Variants in NELL1 observed in about 807,000 individuals in gnomAD.
The protein encoded by NELL1 is neural EGFL like 1, also known as protein kinase C-binding protein NELL1.
NELL1 carries 76 observed loss-of-function variants against 107.4 expected under a neutral mutation model. The ratio of observed to expected loss-of-function variants is 0.71; its 90% confidence interval spans 0.59 to 0.86. The LOEUF is 0.86. NELL1 is among the 40% of genes least tolerant of loss of function. The pLI is 0.00. For missense variants in NELL1, 1,024 were observed against 1,005.5 expected (o/e 1.02, Z -0.25); for synonymous variants, 353 against 341.2 (o/e 1.03, Z -0.38).
chr11:21,129,180 TG>T (rs1463898141), intron 13 of NELL1, among the ~76,000 whole-genome samples: 1 of 152,082 alleles, frequency 6.6e-6, no homozygotes, highest in African/African-American at 2.4e-5. Context: ...GTGTGTGTGT[TG>T]TTATTTATGG....
chr11:21,139,135 C>T (rs1052889642), intron 13 of NELL1, among the ~76,000 whole-genome samples: 1 of 152,136 alleles, frequency 6.6e-6, no homozygotes, highest in Non-Finnish European at 1.5e-5. Flanking sequence ...ACTTCTGCCA[C>T]CCAAAATACC....
At chr11:20,710,155 T>G (rs1855075843) in intron 2 of NELL1, among the ~76,000 whole-genome samples, 1 of 152,240 alleles carries the variant, frequency 6.6e-6, no homozygotes, top group Non-Finnish European at 1.5e-5. Context: ...CTTTCAACTT[T>G]TCTCCCATTC....
intron 12 of NELL1, among the ~76,000 whole-genome samples, chr11:20,969,987 TCTAGAACA>T (rs1354681604): frequency 9.9e-5 from 15 of 152,114 alleles, no homozygotes; most frequent in African/African-American, 3.4e-4. Context: ...CAGTATTTGT[TCTAGAACA>T]CTAGAACACA....
intron 12 of NELL1, among the ~76,000 whole-genome samples, chr11:20,978,014 T>C (rs1476239449): frequency 6.6e-6 from 1 of 152,242 alleles, no homozygotes; most frequent in African/African-American, 2.4e-5. Flanking sequence ...TCTGCAATGC[T>C]ATTTCTCATC....
chr11:20,703,869 C>A (rs1715293), intron 2 of NELL1, among the ~76,000 whole-genome samples: 29,408 of 151,960 alleles, frequency 0.19, 3,092 homozygotes, highest in African/African-American at 0.24. Flanking sequence ...GTCTGAGAGA[C>A]AGTGTGTTAT....
intron 15 of NELL1, among the ~76,000 whole-genome samples, chr11:21,440,964 T>C (rs1403970258): frequency 6.6e-6 from 1 of 152,216 alleles, no homozygotes; most frequent in East Asian, 1.9e-4. Context: ...GAGTATGTTA[T>C]TGAATATCTG....
At chr11:20,861,772 C>G (rs1048934321) in intron 4 of NELL1, among the ~76,000 whole-genome samples, 1 of 152,144 alleles carries the variant, frequency 6.6e-6, no homozygotes. Context: ...TTAGTGGTTC[C>G]GAGCATGAGC....
intron 14 of NELL1, 32 bp downstream of exon 14, chr11:21,229,486 G>A: frequency 6.2e-7 from 1 of 1,612,420 alleles, no homozygotes. Context: ...TGAGTTGTGA[G>A]CAGCCATTCT....
At position 20,927,306 on chromosome 11, in the gene NELL1, A is replaced by T; in HGVS notation, c.760-2A>T. The T allele has an allele frequency of 6.2e-7, 1 of 1,602,860 alleles. No homozygotes were observed. Among genetic ancestry groups the T allele is most frequent in the Non-Finnish European group, 8.5e-7 (1 of 1,177,482 alleles). On this transcript the variant is annotated splice_acceptor_variant, in intron 7 of 19. Coordinates refer to ENST00000357134, the MANE Select transcript of NELL1 (RefSeq NM_006157.5). LOFTEE classifies it high-confidence loss of function. ...ATTACATTCAGTAACTCTTGTTTGC[A>T]GCTAAATTATGCAGAGACAAGACTT...
In NELL1 at chr11:20,979,295, G is replaced by A. The variant is rs540447006; in HGVS notation, c.1300+18735G>A. ...ATTTGGTAACCATGCTATCATAAAA[G>A]GAAACCTGAACTGCTAAAACCTTAA... On this transcript the variant is annotated intron_variant, in intron 12 of 19. Coordinates refer to ENST00000357134, the MANE Select transcript of NELL1 (RefSeq NM_006157.5). Among the ~76,000 whole-genome samples the A allele has an allele frequency of 1.1e-3, 165 of 152,234 alleles. 1 individual carries two copies. The highest frequency in any genetic ancestry group is 3.9e-3 in the African/African-American group (162 of 41,544).
intron 11 of NELL1, among the ~76,000 whole-genome samples, chr11:20,950,333 A>G (rs997093979): frequency 1.3e-5 from 2 of 152,200 alleles, no homozygotes; most frequent in African/African-American, 4.8e-5. Context: ...TGCAATTTAA[A>G]TGACAATTAA....
intron 3 of NELL1, among the ~76,000 whole-genome samples, chr11:20,837,967 G>C (rs1033440459): frequency 1.3e-5 from 2 of 151,940 alleles, no homozygotes; most frequent in Non-Finnish European, 2.9e-5. Flanking sequence ...AGCTCCACAG[G>C]GTGTCTTCCT....
chr11:21,373,996 G>T (rs529821720), intron 15 of NELL1, among the ~76,000 whole-genome samples: 7 of 152,078 alleles, frequency 4.6e-5, no homozygotes, highest in Admixed American at 3.9e-4. Context: ...AATGCCACAC[G>T]GATGTAATGT....
intron 7 of NELL1, among the ~76,000 whole-genome samples, chr11:20,920,982 T>C (rs530130371): frequency 6.6e-6 from 1 of 152,228 alleles, no homozygotes; most frequent in African/African-American, 2.4e-5. Context: ...ATTTGAAAAC[T>C]GAGTACTTCC....
intron 15 of NELL1, among the ~76,000 whole-genome samples, chr11:21,380,424 T>A (rs925880993): frequency 6.6e-6 from 1 of 152,056 alleles, no homozygotes; most frequent in African/African-American, 2.4e-5. Context: ...AAGAGAGGCA[T>A]CAAACTAGAA....
intron 12 of NELL1, among the ~76,000 whole-genome samples, chr11:21,104,523 C>T (rs939590576): frequency 6.6e-6 from 1 of 152,162 alleles, no homozygotes; most frequent in African/African-American, 2.4e-5. Flanking sequence ...GTGGAAAATA[C>T]TTGAAAAATG....
intron 15 of NELL1, among the ~76,000 whole-genome samples, chr11:21,404,566 G>A (rs1240748873): frequency 6.6e-6 from 1 of 151,988 alleles, no homozygotes; most frequent in African/African-American, 2.4e-5. Context: ...TGCTCAAGGA[G>A]TAAGAGGAAT....
chr11:20,821,286 A>G (rs1018222895), intron 3 of NELL1, among the ~76,000 whole-genome samples: 3 of 152,194 alleles, frequency 2.0e-5, no homozygotes, highest in African/African-American at 7.2e-5. Context: ...ACCTGTCTCT[A>G]GAATACAAAT....
Position 20,669,615 on chromosome 11 carries a change from C to G in NELL1, c.-109C>G. 1 of 921,602 alleles carries G rather than the reference C, an allele frequency of 1.1e-6. No homozygotes were observed. Among genetic ancestry groups the G allele is most frequent in the Non-Finnish European group, 1.7e-6 (1 of 588,864 alleles). 57.1% of individuals were successfully genotyped at this position (921,602 alleles called of 1,614,324 possible). ...GGCGCTGCCGAGCCACCTCCCCCGCCGCCCGCTAGCAAGTTTGGCGGCTCC... is the reference window on the plus strand; with the variant it reads ...GGCGCTGCCGAGCCACCTCCCCCGCGGCCCGCTAGCAAGTTTGGCGGCTCC... On this transcript the variant is annotated 5_prime_UTR_variant, in exon 1 of 20. Transcript: ENST00000357134. This position sits in a 1 kb window ranked among gnomAD's most constrained non-coding sequence, Gnocchi z 4.4.
Sources: gnomAD v4.1 joint callset for allele counts (sites outside exome capture counted in the v4.1 genomes callset) on GRCh38, gnomAD v4.1.1 for gene constraint, Gnocchi (gnomAD v3.1) non-coding constraint, MANE v1.5 for transcripts, NCBI Gene and HGNC (gene_info 2026-07-23, HGNC 2026-07-21) for gene names.